IL18R1: variants seen among roughly 807,000 people sequenced by gnomAD.
IL18R1 encodes interleukin 18 receptor 1, also known as interleukin-18 receptor 1.
In IL18R1, 40 loss-of-function variants were observed where a neutral mutation model predicts 48.5. The ratio of observed to expected loss-of-function variants is 0.82; its 90% CI spans 0.64 to 1.07. The LOEUF is 1.07. Ranked by LOEUF, IL18R1 falls within the 50% of genes least tolerant of loss-of-function variation. The pLI, the probability that IL18R1 is intolerant of heterozygous loss-of-function variation, is 0.00. For synonymous variants in IL18R1, 232 were observed against 225.9 expected (o/e 1.03, Z -0.24); for missense variants, 596 against 633.7 (o/e 0.94, Z 0.64).
chr2:102,386,796 A>G, intron 7 of IL18R1, 65 bp from the exon 8 acceptor site: 2 of 1,523,010 alleles, frequency 1.3e-6, no homozygotes, highest in Non-Finnish European at 1.8e-6. Context: ...CATTTTAAAC[A>G]TGTGAATTCC....
chr2:102,361,032 T>C (rs1678543334), intron 1 of IL18R1, among the ~76,000 whole-genome samples: 1 of 152,240 alleles, frequency 6.6e-6, no homozygotes, highest in Non-Finnish European at 1.5e-5. Flanking sequence ...GATCTTAATA[T>C]GTTTCATATT....
intron 4 of IL18R1, among the ~76,000 whole-genome samples, chr2:102,374,217 A>G (rs140571801): frequency 4.6e-5 from 7 of 152,294 alleles, no homozygotes; most frequent in Non-Finnish European, 8.8e-5. Flanking sequence ...TCTGAATAAT[A>G]TGACTCTGTC....
chr2:102,365,431 T>C (rs13405222), intron 2 of IL18R1, among the ~76,000 whole-genome samples: 18,254 of 152,262 alleles, frequency 0.12, 1,183 homozygotes, highest in Non-Finnish European at 0.13. Flanking sequence ...TAGGATCCCA[T>C]GGCCTTGGGC....
chr2:102,362,732 C>T lies in IL18R1; in HGVS notation c.58+14C>T, dbSNP rs372950013. On this transcript the variant is annotated intron_variant, in intron 2 of 10. Coordinates refer to ENST00000233957, the MANE Select transcript of IL18R1 (RefSeq NM_003855.5). Reference sequence around the variant, plus strand: ...TAAGCACTGCAGGTAAGTGATTATACATACTCTCAAACATATTTCATGAGT... The same window carrying T: ...TAAGCACTGCAGGTAAGTGATTATATATACTCTCAAACATATTTCATGAGT... 21 of 1,482,952 alleles carry T rather than the reference C, an allele frequency of 1.4e-5. No individual in the cohort carries two copies. The highest frequency in any genetic ancestry group is 1.8e-5 in the Non-Finnish European group (19 of 1,074,292). 91.9% of individuals were successfully genotyped at this position (1,482,952 alleles called of 1,614,324 possible). A position where few individuals can be genotyped will look rare whatever the true frequency, so the allele number is the denominator to read the frequency against.
intron 10 of IL18R1, among the ~76,000 whole-genome samples, chr2:102,395,257 T>C (rs113247825): frequency 5.3e-5 from 8 of 152,252 alleles, no homozygotes; most frequent in African/African-American, 1.9e-4. Context: ...TTTTTCTTTT[T>C]AATGAGTAAC....
chr2:102,393,321 CT>C (rs1317330031), intron 9 of IL18R1, among the ~76,000 whole-genome samples: 1 of 152,166 alleles, frequency 6.6e-6, no homozygotes, highest in African/African-American at 2.4e-5. Flanking sequence ...CATTTCATAC[CT>C]TTGATATTTA....
chr2:102,397,931 G>A lies in IL18R1; in HGVS notation c.*1045G>A, dbSNP rs1680906614. ...ATAATAATTGCACCTACCTCCCAGG[G>A]GTAACTAAATGAATAAATATAATAA... On this transcript the variant is annotated 3_prime_UTR_variant, in exon 11 of 11. Coordinates refer to ENST00000233957, the MANE Select transcript of IL18R1 (RefSeq NM_003855.5). 1 of 151,930 alleles carries A rather than the reference G, an allele frequency of 6.6e-6. No individual in the cohort carries two copies. The highest frequency in any genetic ancestry group is 6.6e-5 in the Admixed American group (1 of 15,264). The allele number at this position is 151,930 out of a possible 1,614,324, so 9.4% of individuals were successfully genotyped here. A position where few individuals can be genotyped will look rare whatever the true frequency, so the allele number is the denominator to read the frequency against.
intron 6 of IL18R1, among the ~76,000 whole-genome samples, chr2:102,382,587 G>A (rs896970308): frequency 1.4e-4 from 21 of 152,178 alleles, no homozygotes; most frequent in African/African-American, 4.3e-4. Flanking sequence ...CAACACTGAG[G>A]CATGTATTCT....
Position 102,397,113 on chromosome 2 carries a change from C to T in IL18R1, c.*227C>T. ...GACCTGGAATTCAAAAGAAATGGAG[C>T]TATTCTTTTTCTCCCTCTTTCATAA... On this transcript the variant is annotated 3_prime_UTR_variant, in exon 11 of 11. Transcript: ENST00000233957. The T allele has an allele frequency of 2.2e-6, 1 of 464,104 alleles. No homozygotes were observed. 28.7% of individuals were successfully genotyped at this position (464,104 alleles called of 1,614,324 possible). A position where few individuals can be genotyped will look rare whatever the true frequency, so the allele number is the denominator to read the frequency against.
chr2:102,366,156 A>G (rs991886893), intron 2 of IL18R1, among the ~76,000 whole-genome samples: 1 of 152,044 alleles, frequency 6.6e-6, no homozygotes, highest in African/African-American at 2.4e-5. Flanking sequence ...CTCCTACCAC[A>G]TTCTCAAGCT....
rs1044634166 is a variant in IL18R1, at chr2:102,394,443, T to C, written c.1112-26T>C. Reference sequence around the variant, plus strand: ...AAATAAAATTTTATTTACACATGAATTAAAAGAGCCAATCTTACCTCCTAG... The same window carrying C: ...AAATAAAATTTTATTTACACATGAACTAAAAGAGCCAATCTTACCTCCTAG... On this transcript the variant is annotated intron_variant, in intron 9 of 10. Transcript: ENST00000233957. The C allele has an allele frequency of 3.8e-6, 6 of 1,562,758 alleles. No individual in the cohort carries two copies. In the African/African-American group the frequency reaches 6.9e-5, roughly 18 times the overall value.
At chr2:102,390,267 T>A (rs371466872) in intron 9 of IL18R1, 50 bp downstream of exon 9, 6 of 1,514,310 alleles carry the variant, frequency 4.0e-6, no homozygotes, top group Non-Finnish European at 5.5e-6. Context: ...CATTAAGAAA[T>A]CAGATAAATA....
At chr2:102,390,891 C>T (rs563663823) in intron 9 of IL18R1, among the ~76,000 whole-genome samples, 1 of 143,490 alleles carries the variant, frequency 7.0e-6, no homozygotes, top group East Asian at 2.0e-4. Context: ...GTCGGGATCG[C>T]GCCGCTGCGC....
intron 7 of IL18R1, among the ~76,000 whole-genome samples, chr2:102,385,387 C>T (rs958492977): frequency 6.6e-6 from 1 of 151,954 alleles, no homozygotes; most frequent in Non-Finnish European, 1.5e-5. Context: ...TCTAATGGGC[C>T]AAAAAGGCTC....
Position 102,367,924 on chromosome 2 carries a change from C to A in IL18R1, c.158C>A (p.Thr53Asn). ...CTTGCACATGAGATTGAAACAACCACCAAAAGCTGGTACAAAAGCAGTGGA... is the reference window on the plus strand; with the variant it reads ...CTTGCACATGAGATTGAAACAACCAACAAAAGCTGGTACAAAAGCAGTGGA... Reference protein sequence around the residue: ...CSLAHEIETTTKSWYKSSGSQ... With the variant: ...CSLAHEIETTNKSWYKSSGSQ... Residue 53 changes from threonine to asparagine, a missense_variant, in exon 3 of 11, where the codon ACC becomes AAC. Coordinates refer to ENST00000233957, the MANE Select transcript of IL18R1 (RefSeq NM_003855.5). The A allele has an allele frequency of 6.2e-7, 1 of 1,614,192 alleles. No individual in the cohort carries two copies. The highest frequency in any genetic ancestry group is 1.6e-4 in the Middle Eastern group (1 of 6,062).
In IL18R1 at chr2:102,398,727, G is replaced by A. The variant is rs1028031842; in HGVS notation, c.*1841G>A. The A allele has an allele frequency of 3.9e-5, 6 of 152,264 alleles. No individual in the cohort carries two copies. Among genetic ancestry groups the A allele is most frequent in the Admixed American group, 6.5e-5 (1 of 15,280 alleles). The allele number at this position is 152,264 out of a possible 1,614,324, so 9.4% of individuals were successfully genotyped here. On this transcript the variant is annotated 3_prime_UTR_variant, in exon 11 of 11. Transcript: ENST00000233957. ...AATGTCTTAAATGTATACATTAGATGTGTGTTTTAAAATGCATAAAACACG... is the reference window on the plus strand; with the variant it reads ...AATGTCTTAAATGTATACATTAGATATGTGTTTTAAAATGCATAAAACACG...
chr2:102,359,017 G>A (rs1678418891), intron 1 of IL18R1, among the ~76,000 whole-genome samples: 2 of 152,124 alleles, frequency 1.3e-5, no homozygotes, highest in Non-Finnish European at 2.9e-5. Context: ...TGGTGTGTGT[G>A]AGCATGTGTG....
chr2:102,367,046 G>A (rs1678941237), intron 2 of IL18R1, among the ~76,000 whole-genome samples: 1 of 152,156 alleles, frequency 6.6e-6, no homozygotes, highest in South Asian at 2.1e-4. Flanking sequence ...GAGAGTCACT[G>A]GAGGGTAGAT....
intron 8 of IL18R1, among the ~76,000 whole-genome samples, chr2:102,388,898 T>C (rs995494282): frequency 6.6e-6 from 1 of 152,300 alleles, no homozygotes; most frequent in South Asian, 2.1e-4. Flanking sequence ...GCAAAAGTTT[T>C]AAGCACGTTT....
Sources: gnomAD v4.1 joint callset for allele counts (sites outside exome capture counted in the v4.1 genomes callset) on GRCh38, gnomAD v4.1.1 for gene constraint, MANE v1.5 for transcripts, NCBI Gene and HGNC (gene_info 2026-07-23, HGNC 2026-07-21) for gene names.